The following ZBBX variants were observed in gnomAD, a reference collection of about 807,000 sequenced individuals.
The protein encoded by ZBBX is zinc finger B-box domain-containing protein 1.
A neutral mutation model predicts 108.5 loss-of-function variants in ZBBX; 101 were observed. That is an observed-to-expected ratio of 0.93 (90% CI 0.79 to 1.10). The LOEUF is 1.10. Ranked by LOEUF, ZBBX falls within the 50% of genes least tolerant of loss-of-function variation. ZBBX has a pLI of 0.00. For synonymous variants in ZBBX, 356 were observed against 323.4 expected (o/e 1.10, Z -1.08); for missense variants, 1,009 against 941.4 (o/e 1.07, Z -0.94).
At chr3:167,265,709 C>T (rs181663207) in intron 20 of ZBBX, among the ~76,000 whole-genome samples, 11 of 152,242 alleles carry the variant, frequency 7.2e-5, no homozygotes, top group Admixed American at 2.0e-4. Context: ...TACCTATGAC[C>T]CCCAGGCACT....
chr3:167,337,433 C>T (rs1034699596), intron 9 of ZBBX, among the ~76,000 whole-genome samples: 1 of 151,966 alleles, frequency 6.6e-6, no homozygotes, highest in Admixed American at 6.6e-5. Flanking sequence ...GCAGGAGAGT[C>T]GCTTGAACTG....
Position 167,350,472 on chromosome 3 carries a change from G to A in ZBBX, c.476C>T (p.Ala159Val). The change falls in exon 9 of 22, where the codon GCT becomes GTT. Residue 159 changes from alanine (A) to valine (V), a missense_variant. Transcript: ENST00000675490. ...TAGTGCCCCTTTCTGGTGAACTTTA[G>A]CAAAGCATCCTGAACAATAATCTTC... ...CGEDYCSGCF[A>V]KVHQKGALKL... The A allele has an allele frequency of 1.3e-6, 2 of 1,596,766 alleles. No homozygotes were observed. Among genetic ancestry groups the A allele is most frequent in the Non-Finnish European group, 1.7e-6 (2 of 1,169,252 alleles).
At chr3:167,393,606 T>C (rs1748143032) in intron 1 of ZBBX, among the ~76,000 whole-genome samples, 1 of 151,920 alleles carries the variant, frequency 6.6e-6, no homozygotes, top group African/African-American at 2.4e-5. Context: ...TTCTTTCCAG[T>C]CATTGCCTCA....
At chr3:167,386,377 A>G (rs868131573) in intron 1 of ZBBX, among the ~76,000 whole-genome samples, 1 of 152,092 alleles carries the variant, frequency 6.6e-6, no homozygotes, top group Non-Finnish European at 1.5e-5. Flanking sequence ...AATGACTACC[A>G]GAAGAATCAT....
intron 11 of ZBBX, among the ~76,000 whole-genome samples, chr3:167,322,898 G>C (rs979302676): frequency 5.3e-5 from 8 of 152,078 alleles, no homozygotes; most frequent in African/African-American, 1.9e-4. Flanking sequence ...AAGGGAAATA[G>C]TAAAGATGGG....
At chr3:167,236,054 G>A (rs1299503531), downstream of ZBBX, among the ~76,000 whole-genome samples, 2 of 151,644 alleles carry the variant, frequency 1.3e-5, no homozygotes, top group East Asian at 1.9e-4. Flanking sequence ...TAGTATATAC[G>A]TTTTTAAAAT....
At chr3:167,335,317 C>T (rs1739371266) in intron 9 of ZBBX, among the ~76,000 whole-genome samples, 1 of 152,034 alleles carries the variant, frequency 6.6e-6, no homozygotes, top group Non-Finnish European at 1.5e-5. Flanking sequence ...TAAAGAAAAA[C>T]TTTTCACATG....
intron 20 of ZBBX, among the ~76,000 whole-genome samples, chr3:167,280,079 C>G (rs1156462495): frequency 6.6e-6 from 1 of 151,976 alleles, no homozygotes; most frequent in Non-Finnish European, 1.5e-5. Context: ...CTTCCTTACA[C>G]CTTATACAAA....
At chr3:167,224,890 C>G in the ZBBX span, among the ~76,000 whole-genome samples, 34 of 151,794 alleles carry the variant, frequency 2.2e-4, no homozygotes, top group Non-Finnish European at 2.9e-5. Flanking sequence ...CTAATATCCC[C>G]TTCTTTTTAC....
chr3:167,333,919 C>A lies in ZBBX; in HGVS notation c.595G>T (p.Asp199Tyr), dbSNP rs1401123423. 6.2e-7 allele frequency: 1 copy of A among 1,612,038 alleles called. No individual in the cohort carries two copies. The highest frequency in any genetic ancestry group is 8.5e-7 in the Non-Finnish European group (1 of 1,178,816). Residue 199 changes from aspartate to tyrosine, a missense_variant, in exon 10 of 22, where the codon GAT (aspartate) becomes TAT (tyrosine). By Grantham distance (160) the Asp-to-Tyr change is radical (BLOSUM62 -3). Coordinates refer to ENST00000675490, the MANE Select transcript of ZBBX (RefSeq NM_001199201.2). ...AHQFIKDVNP[D>Y]EPKEENNSTK... ...GAATTATTCTCCTCTTTGGGTTCAT[C>A]TGGATTAACATCCTTTATAAACTGA...
chr3:167,247,682 G>A (rs1721823113), intron 20 of ZBBX, among the ~76,000 whole-genome samples: 1 of 152,154 alleles, frequency 6.6e-6, no homozygotes, highest in Non-Finnish European at 1.5e-5. Flanking sequence ...CTATCTGTAT[G>A]ATCCCCGAGA....
At chr3:167,242,406 T>C (rs1336215235) in intron 21 of ZBBX, 99 bp downstream of exon 21, 3 of 1,048,104 alleles carry the variant, frequency 2.9e-6, no homozygotes, top group Non-Finnish European at 4.1e-6. Flanking sequence ...AGTATACACA[T>C]GAGGACAATC....
At chr3:167,285,100 T>C (rs900746009) in intron 19 of ZBBX, among the ~76,000 whole-genome samples, 1 of 152,100 alleles carries the variant, frequency 6.6e-6, no homozygotes, top group Non-Finnish European at 1.5e-5. Flanking sequence ...TGTAACAAAA[T>C]AAATTTTCCT....
rs895364156 is a variant in ZBBX, at chr3:167,397,119, C to T, written c.-446+10607G>A. Reference sequence around the variant, plus strand: ...CCTTAAGAATTGCTAAGATATTAGTCGTGAAGAAGAGGTTCTTGGTGGTAA... The same window carrying T: ...CCTTAAGAATTGCTAAGATATTAGTTGTGAAGAAGAGGTTCTTGGTGGTAA... On this transcript the variant is annotated intron_variant, in intron 1 of 21. Coordinates refer to the ZBBX transcript ENST00000455345. 1.4e-4 allele frequency among the ~76,000 whole-genome samples: 14 copies of T among 99,554 alleles called. No individual in the cohort carries two copies. In the East Asian group the frequency reaches 2.1e-3, roughly 15 times the overall value. 65.3% of individuals were successfully genotyped at this position (99,554 alleles called of 152,430 possible).
intron 16 of ZBBX, among the ~76,000 whole-genome samples, chr3:167,309,972 G>A (rs1734301483): frequency 6.6e-6 from 1 of 152,044 alleles, no homozygotes; most frequent in Admixed American, 6.6e-5. Flanking sequence ...CCATTTCTTT[G>A]TGAATGCATA....
intron 6 of ZBBX, among the ~76,000 whole-genome samples, chr3:167,361,149 T>C (rs1577088945): frequency 6.6e-6 from 1 of 152,216 alleles, no homozygotes; most frequent in East Asian, 1.9e-4. Context: ...TACACTACTA[T>C]AGAAACCCAT....
chr3:167,229,943 C>A, the ZBBX span, among the ~76,000 whole-genome samples: 2,026 of 151,926 alleles, frequency 0.013, 22 homozygotes, highest in South Asian at 0.026. Context: ...AAGTTTATAT[C>A]TTTTCTACAA....
At chr3:167,374,370 C>A (rs1432640385) in intron 2 of ZBBX, among the ~76,000 whole-genome samples, 2 of 151,998 alleles carry the variant, frequency 1.3e-5, no homozygotes, top group African/African-American at 4.8e-5. Context: ...CCCAAGTATC[C>A]CAATTATTCA....
At chr3:167,263,036 T>C in intron 20 of ZBBX, among the ~76,000 whole-genome samples, 1 of 9,964 alleles carries the variant, frequency 1.0e-4, no homozygotes, top group South Asian at 5.0e-3. Context: ...TTTCTAGTTC[T>C]TTTTTTTTTT....
Sources: gnomAD v4.1 joint callset for allele counts (sites outside exome capture counted in the v4.1 genomes callset) on GRCh38, gnomAD v4.1.1 for gene constraint, MANE v1.5 for transcripts, NCBI Gene and HGNC (gene_info 2026-07-23, HGNC 2026-07-21) for gene names.